The following LUC7L3 variants were observed in gnomAD, a reference collection of about 807,000 sequenced individuals.
LUC7L3 encodes luc7-like protein 3.
Under a neutral mutation model 66.8 loss-of-function variants are expected in LUC7L3, and 6 were observed. That is an observed-to-expected ratio of 0.09 (90% confidence interval 0.05 to 0.18). The LOEUF is 0.18. LUC7L3 is among the 10% of genes least tolerant of loss of function. LUC7L3 has a pLI of 1.00. For synonymous variants in LUC7L3, 160 were observed against 174.7 expected (o/e 0.92, Z 0.66); for missense variants, 341 against 531.1 (o/e 0.64, Z 3.52).
At chr17:50,732,927 G>T (rs145460199) in intron 1 of LUC7L3, among the ~76,000 whole-genome samples, 1 of 152,154 alleles carries the variant, frequency 6.6e-6, no homozygotes, top group Non-Finnish European at 1.5e-5. Context: ...ATAAGCAACG[G>T]CGAAGATTCA....
At chr17:50,739,362 G>T (rs895428255) in intron 2 of LUC7L3, among the ~76,000 whole-genome samples, 3 of 152,216 alleles carry the variant, frequency 2.0e-5, no homozygotes, top group Admixed American at 2.0e-4. Context: ...AGAAGAATTT[G>T]AAAATATAGA....
chr17:50,744,600 G>C (rs1970552742), intron 6 of LUC7L3, 52 bp from the exon 7 acceptor site: 1 of 1,530,218 alleles, frequency 6.5e-7, no homozygotes, highest in Non-Finnish European at 8.9e-7. Flanking sequence ...ACTTTCCTGG[G>C]ATTTGTTTCT....
At chr17:50,746,335 T>A (rs1970665657) in intron 8 of LUC7L3, among the ~76,000 whole-genome samples, 1 of 152,032 alleles carries the variant, frequency 6.6e-6, no homozygotes, top group African/African-American at 2.4e-5. Flanking sequence ...TGAAGAAGAG[T>A]CTTAAAGAGC....
chr17:50,730,513 C>CAAAAAAAAAAAAAAAAAAAAA (rs3063109), intron 1 of LUC7L3, among the ~76,000 whole-genome samples: 22 of 59,090 alleles, frequency 3.7e-4, no homozygotes, highest in African/African-American at 5.3e-4. Flanking sequence ...ACTCTGTCTC[C>CAAAAAAAAAAAAAAAAAAAAA]AAAAAAAAAA....
intron 3 of LUC7L3, 72 bp downstream of exon 3, chr17:50,740,417 T>A: frequency 7.3e-7 from 1 of 1,361,828 alleles, no homozygotes; most frequent in Admixed American, 2.1e-5. Context: ...GGTTGAGGAA[T>A]AATTGCAATT....
intron 1 of LUC7L3, among the ~76,000 whole-genome samples, chr17:50,733,766 A>C (rs1182061797): frequency 6.6e-6 from 1 of 152,220 alleles, no homozygotes; most frequent in Non-Finnish European, 1.5e-5. Context: ...TTTTATAACC[A>C]TACAGTTTAT....
chr17:50,752,354 G>A lies in LUC7L3; in HGVS notation c.*1693G>A, dbSNP rs1008844283. On this transcript the variant is annotated 3_prime_UTR_variant, in exon 10 of 10. Transcript: ENST00000505658. ...ATTATTATTATTAAAAGTTAATTCA[G>A]GACTGATGTGACCTACCAGATTTCA... 2 of 577,324 alleles carry A rather than the reference G, an allele frequency of 3.5e-6. No homozygotes were observed. The highest frequency in any genetic ancestry group is 4.0e-5 in the African/African-American group (2 of 49,810). The allele number at this position is 577,324 out of a possible 1,614,324, so 35.8% of individuals were successfully genotyped here.
At chr17:50,730,862 C>T (rs762158723) in intron 1 of LUC7L3, among the ~76,000 whole-genome samples, 2 of 151,818 alleles carry the variant, frequency 1.3e-5, no homozygotes, top group Non-Finnish European at 2.9e-5. Flanking sequence ...ATCACTTGAA[C>T]CTGGGAGGTA....
In LUC7L3 at chr17:50,751,084, G is replaced by T; in HGVS notation, c.*423G>T. ...TGTTGGTACATTGGCAGAGACATAT[G>T]CTTTAAAAACTTAAATATTTCGGAG... On this transcript the variant is annotated 3_prime_UTR_variant, in exon 10 of 10. Transcript: ENST00000505658. The T allele has an allele frequency of 1.4e-6, 2 of 1,438,098 alleles. No homozygotes were observed. The highest frequency in any genetic ancestry group is 1.5e-5 in the African/African-American group (1 of 68,528). The allele number at this position is 1,438,098 out of a possible 1,614,324, so 89.1% of individuals were successfully genotyped here.
chr17:50,723,787 C>T, intron 1 of LUC7L3: 1 of 336,526 alleles, frequency 3.0e-6, no homozygotes, highest in East Asian at 9.4e-5. Context: ...CAGGTGTGGG[C>T]CACCACGCCC....
chr17:50,734,709 T>C (rs1257990480), intron 1 of LUC7L3, among the ~76,000 whole-genome samples: 1 of 152,208 alleles, frequency 6.6e-6, no homozygotes, highest in African/African-American at 2.4e-5. Context: ...AGTAGAAAGA[T>C]ACTAAGACAT....
intron 5 of LUC7L3, among the ~76,000 whole-genome samples, chr17:50,742,344 T>C (rs1970402299): frequency 1.3e-5 from 2 of 152,156 alleles, no homozygotes; most frequent in African/African-American, 2.4e-5. Flanking sequence ...GTAGATGATA[T>C]TGGAGTCTGT....
chr17:50,746,112 T>A, intron 8 of LUC7L3, 109 bp downstream of exon 8: 2 of 1,402,150 alleles, frequency 1.4e-6, no homozygotes, highest in Admixed American at 6.4e-5. Flanking sequence ...CTTAAGCATC[T>A]TTAAGTGATA....
chr17:50,752,221 G>A lies in LUC7L3; in HGVS notation c.*1560G>A. ...GTAGGACTACTGTTCGAAGATTTTT[G>A]GAAGAATACTGAGAACGGCATAAAG... On this transcript the variant is annotated 3_prime_UTR_variant, in exon 10 of 10. Transcript: ENST00000505658. The A allele has an allele frequency of 2.3e-6, 3 of 1,285,786 alleles. No individual in the cohort carries two copies. In the South Asian group the frequency reaches 3.7e-5, roughly 16 times the overall value. 79.6% of individuals were successfully genotyped at this position (1,285,786 alleles called of 1,614,324 possible). A position where few individuals can be genotyped will look rare whatever the true frequency, so the allele number is the denominator to read the frequency against.
intron 1 of LUC7L3, among the ~76,000 whole-genome samples, chr17:50,727,520 C>CA (rs1257609326): frequency 6.6e-6 from 1 of 152,166 alleles, no homozygotes; most frequent in Non-Finnish European, 1.5e-5. Context: ...AGCAGTGCCC[C>CA]AGCCCCCCGA....
intron 1 of LUC7L3, among the ~76,000 whole-genome samples, chr17:50,731,510 G>GA (rs1969603616): frequency 6.6e-6 from 1 of 152,122 alleles, no homozygotes; most frequent in African/African-American, 2.4e-5. Context: ...GACTTTATTT[G>GA]AAGAACCCAA....
Position 50,752,235 on chromosome 17 carries a change from A to G in LUC7L3, c.*1574A>G. The G allele has an allele frequency of 7.8e-7, 1 of 1,284,348 alleles. No individual in the cohort carries two copies. The highest frequency in any genetic ancestry group is 1.0e-6 in the Non-Finnish European group (1 of 986,058). 79.6% of individuals were successfully genotyped at this position (1,284,348 alleles called of 1,614,324 possible). ...CGAAGATTTTTGGAAGAATACTGAG[A>G]ACGGCATAAAGTGAAGATCGACATT... On this transcript the variant is annotated 3_prime_UTR_variant, in exon 10 of 10. Transcript: ENST00000505658.
intron 1 of LUC7L3, among the ~76,000 whole-genome samples, chr17:50,725,127 C>T (rs932579876): frequency 2.6e-5 from 4 of 150,956 alleles, no homozygotes; most frequent in South Asian, 4.2e-4. Flanking sequence ...ATGTATTGCT[C>T]GGCTGGGAGC....
rs759205841 is a variant in LUC7L3, at chr17:50,752,352, C to T, written c.*1691C>T. ...TTATTATTATTATTAAAAGTTAATTCAGGACTGATGTGACCTACCAGATTT... is the reference window on the plus strand; with the variant it reads ...TTATTATTATTATTAAAAGTTAATTTAGGACTGATGTGACCTACCAGATTT... On this transcript the variant is annotated 3_prime_UTR_variant, in exon 10 of 10. Transcript: ENST00000505658. The T allele has an allele frequency of 4.4e-5, 27 of 617,114 alleles. No individual in the cohort carries two copies. The highest frequency in any genetic ancestry group is 6.1e-5 in the Non-Finnish European group (26 of 428,338). The allele number at this position is 617,114 out of a possible 1,614,324, so 38.2% of individuals were successfully genotyped here.
Sources: gnomAD v4.1 joint callset for allele counts (sites outside exome capture counted in the v4.1 genomes callset) on GRCh38, gnomAD v4.1.1 for gene constraint, MANE v1.5 for transcripts, NCBI Gene and HGNC (gene_info 2026-07-23, HGNC 2026-07-21) for gene names.